Variants in ARID5B observed in about 807,000 individuals in gnomAD.
ARID5B encodes the protein AT-rich interaction domain 5B, also known as AT-rich interactive domain-containing protein 5B.
In ARID5B, 13 loss-of-function variants were observed where a neutral mutation model predicts 97.2. The ratio of observed to expected loss-of-function variants is 0.13; its 90% CI spans 0.09 to 0.21. The LOEUF is 0.21. ARID5B is among the 10% of genes least tolerant of loss of function. ARID5B has a pLI of 1.00. For synonymous variants in ARID5B, 556 were observed against 570.3 expected, an observed-to-expected ratio of 0.97 and a Z score of 0.36; for missense variants, 1,210 against 1,465.3, an observed-to-expected ratio of 0.83 and a Z score of 2.84.
rs557732087 is a variant in ARID5B at position 61,961,665 on chromosome 10, C to T, written c.502+21257C>T. Among the ~76,000 whole-genome samples, 11 of 152,324 alleles carry T rather than the reference C, an allele frequency of 7.2e-5. No individual in the cohort carries two copies. In the South Asian group the frequency reaches 2.3e-3, roughly 32 times the overall value. ...GAATCTTACCTTCCAGATGCTCAGA[C>T]TCTTATCAGTGGTTTGATACCTAGC... On this transcript the variant is annotated intron_variant, in intron 3 of 9. Transcript: ENST00000279873.
At chr10:61,945,091 G>C (rs1844478456) in intron 3 of ARID5B, among the ~76,000 whole-genome samples, 1 of 152,158 alleles carries the variant, frequency 6.6e-6, no homozygotes. Context: ...AGGGTGGGCT[G>C]TCAGGAGAAT....
chr10:62,024,794 T>G (rs1839399445), intron 4 of ARID5B: 1 of 387,326 alleles, frequency 2.6e-6, no homozygotes, highest in South Asian at 1.3e-4. Flanking sequence ...TAGAGACGAA[T>G]GATCATCTGT....
intron 9 of ARID5B, among the ~76,000 whole-genome samples, chr10:62,088,556 G>A (rs1244745277): frequency 6.6e-6 from 1 of 152,154 alleles, no homozygotes; most frequent in African/African-American, 2.4e-5. Context: ...CCTGTAGGCT[G>A]CAACTGTTCC....
In ARID5B at chr10:61,940,489, A is replaced by C. The variant is rs1379625623; in HGVS notation, c.502+81A>C. ...GGTTGAAGATTTTTCTGGAAACACTATCATTTATATATAAATGTATTTCAA... is the reference window on the plus strand; with the variant it reads ...GGTTGAAGATTTTTCTGGAAACACTCTCATTTATATATAAATGTATTTCAA... On this transcript the variant is annotated intron_variant, in intron 3 of 9. Coordinates refer to ENST00000279873, the MANE Select transcript of ARID5B (RefSeq NM_032199.3). 4.5e-6 allele frequency: 5 copies of C among 1,117,602 alleles called. No individual in the cohort carries two copies. The African/African-American group carries it at 7.9e-5, about 18-fold the overall frequency. The allele number at this position is 1,117,602 out of a possible 1,614,324, so 69.2% of individuals were successfully genotyped here. A position where few individuals can be genotyped will look rare whatever the true frequency, so the allele number is the denominator to read the frequency against.
chr10:61,935,002 G>T (rs1156414313), intron 2 of ARID5B, among the ~76,000 whole-genome samples: 1 of 142,504 alleles, frequency 7.0e-6, no homozygotes, highest in Non-Finnish European at 1.5e-5. Flanking sequence ...AACAGAGCAA[G>T]ACTCTGATTA....
At chr10:62,060,562 T>G (rs1839909243) in intron 7 of ARID5B, among the ~76,000 whole-genome samples, 2 of 152,212 alleles carry the variant, frequency 1.3e-5, no homozygotes, top group South Asian at 4.1e-4. Flanking sequence ...TGGAGTCTTT[T>G]GATAGGATCA....
intron 4 of ARID5B, among the ~76,000 whole-genome samples, chr10:62,032,277 C>T (rs1839506933): frequency 6.6e-6 from 1 of 152,172 alleles, no homozygotes; most frequent in Non-Finnish European, 1.5e-5. Flanking sequence ...TTTGATCACA[C>T]CACTGCACAC....
chr10:62,035,154 G>A (rs1410712845), intron 4 of ARID5B, among the ~76,000 whole-genome samples: 1 of 152,196 alleles, frequency 6.6e-6, no homozygotes, highest in East Asian at 1.9e-4. Flanking sequence ...GTGACCTAGG[G>A]AAGGTGCTGG....
At chr10:62,042,353 C>T (rs1839648724) in intron 4 of ARID5B, among the ~76,000 whole-genome samples, 5 of 152,162 alleles carry the variant, frequency 3.3e-5, no homozygotes, top group Admixed American at 3.3e-4. Flanking sequence ...GGACACCTGG[C>T]ATCTGGAGAG....
chr10:61,958,378 G>A (rs570007697), intron 3 of ARID5B, among the ~76,000 whole-genome samples: 3 of 152,168 alleles, frequency 2.0e-5, no homozygotes, highest in East Asian at 3.9e-4. Flanking sequence ...ACAGGTGCCC[G>A]CCACCGCGCC....
chr10:61,962,330 AC>A (rs1376575409), intron 3 of ARID5B, among the ~76,000 whole-genome samples: 1 of 152,252 alleles, frequency 6.6e-6, no homozygotes, highest in Non-Finnish European at 1.5e-5. Context: ...CACACAAAAA[AC>A]AAAGGTGAAG....
rs1411430312 is a variant in ARID5B at position 61,940,295 on chromosome 10, A to C, written c.389A>C (p.Lys130Thr). The C allele has an allele frequency of 6.2e-7, 1 of 1,614,226 alleles. No individual in the cohort carries two copies. Among genetic ancestry groups the C allele is most frequent in the African/African-American group, 1.3e-5 (1 of 75,058 alleles). ...TGTGGCTTCCACGCTGGACCAGTGA[A>C]AACTGAGGCCTTGGGAAGGAATGGA... is the stretch of plus-strand genomic sequence containing the variant. ...WRCGFHAGPVKTEALGRNGQK... is the reference protein window; with the variant it reads ...WRCGFHAGPVTTEALGRNGQK... Residue 130 changes from lysine to threonine, a missense_variant, in exon 3 of 10, where the codon AAA becomes ACA. Around this residue, in one of 8 missense-constraint regions of ARID5B, gnomAD observed 82 missense variants for 79.3 expected, o/e 1.03. Coordinates refer to ENST00000279873, the MANE Select transcript of ARID5B (RefSeq NM_032199.3).
chr10:61,973,828 G>A (rs1471633269), intron 3 of ARID5B, among the ~76,000 whole-genome samples: 1 of 152,122 alleles, frequency 6.6e-6, no homozygotes, highest in Non-Finnish European at 1.5e-5. Flanking sequence ...AAATAATTAG[G>A]TTGATTTATT....
intron 3 of ARID5B, among the ~76,000 whole-genome samples, chr10:61,941,854 GT>G (rs1211667263): frequency 6.6e-6 from 1 of 152,070 alleles, no homozygotes; most frequent in African/African-American, 2.4e-5. Flanking sequence ...TATATATACT[GT>G]TACACCCCCC....
Position 62,095,213 on chromosome 10 carries a change from T to C in ARID5B, c.*2183T>C, listed in dbSNP as rs1456656358. 4.3e-6 allele frequency: 1 copy of C among 233,320 alleles called. No homozygotes were observed. The highest frequency in any genetic ancestry group is 8.5e-6 in the Non-Finnish European group (1 of 117,964). The allele number at this position is 233,320 out of a possible 1,614,324, so 14.5% of individuals were successfully genotyped here. A position where few individuals can be genotyped will look rare whatever the true frequency, so the allele number is the denominator to read the frequency against. On this transcript the variant is annotated 3_prime_UTR_variant, in exon 10 of 10. Coordinates refer to ENST00000279873, the MANE Select transcript of ARID5B (RefSeq NM_032199.3). ...GCACAAGCTAGAGGGGGGAAAAATC[T>C]CAATTCCAGCTGGCAAGATGCTAGC...
At chr10:62,015,686 C>G (rs911873579) in intron 4 of ARID5B, among the ~76,000 whole-genome samples, 2 of 151,998 alleles carry the variant, frequency 1.3e-5, no homozygotes, top group Non-Finnish European at 2.9e-5. Context: ...TGCAGTGGCG[C>G]GATCTTGGCT....
intron 3 of ARID5B, among the ~76,000 whole-genome samples, chr10:61,945,318 A>G (rs1250888829): frequency 2.0e-5 from 3 of 152,160 alleles, no homozygotes; most frequent in Non-Finnish European, 4.4e-5. Flanking sequence ...AATGAGAGCA[A>G]TGAATTCTTA....
intron 3 of ARID5B, among the ~76,000 whole-genome samples, chr10:61,950,235 T>C (rs886448201): frequency 1.3e-5 from 2 of 152,216 alleles, no homozygotes; most frequent in South Asian, 2.1e-4. Context: ...CTTGAACTCC[T>C]GACCTCGTGA....
intron 4 of ARID5B, among the ~76,000 whole-genome samples, chr10:62,027,393 C>T (rs1839436163): frequency 7.2e-6 from 1 of 138,394 alleles, no homozygotes; most frequent in Non-Finnish European, 1.5e-5. Context: ...ACTGCAAGCT[C>T]CATCTCTCGG....
Sources: gnomAD v4.1 joint callset for allele counts (sites outside exome capture counted in the v4.1 genomes callset) on GRCh38, gnomAD v4.1.1 for gene constraint, gnomAD v4.1.1 regional missense constraint, MANE v1.5 for transcripts, NCBI Gene and HGNC (gene_info 2026-07-23, HGNC 2026-07-21) for gene names.